SGCZ: variants seen among roughly 807,000 people sequenced by gnomAD.
SGCZ encodes zeta-sarcoglycan.
In SGCZ, 40 loss-of-function variants were observed where a neutral mutation model predicts 41.3. The observed-to-expected ratio is 0.97, with a 90% confidence interval of 0.75 to 1.26. The LOEUF is 1.26. Among genes scored for constraint, SGCZ ranks in the 50% most tolerant of loss-of-function variants. SGCZ has a pLI of 0.00. For missense variants in SGCZ, 552 were observed against 369.8 expected, an observed-to-expected ratio of 1.49 and a Z score of -4.04; for synonymous variants, 206 against 137.5, an observed-to-expected ratio of 1.50 and a Z score of -3.49.
At chr8:15,222,807 G>A (rs746498689) in intron 1 of SGCZ, among the ~76,000 whole-genome samples, 2 of 151,980 alleles carry the variant, frequency 1.3e-5, no homozygotes, top group Non-Finnish European at 2.9e-5. Context: ...GTGGGTGTGT[G>A]TGTGTGTGAC....
intron 4 of SGCZ, among the ~76,000 whole-genome samples, chr8:14,228,111 C>T (rs1017437582): frequency 6.6e-6 from 1 of 151,976 alleles, no homozygotes; most frequent in South Asian, 2.1e-4. Flanking sequence ...TAATTATTCC[C>T]ATAACCTTAC....
At chr8:14,454,340 T>G (rs183070799) in intron 2 of SGCZ, among the ~76,000 whole-genome samples, 1 of 152,160 alleles carries the variant, frequency 6.6e-6, no homozygotes, top group Non-Finnish European at 1.5e-5. Flanking sequence ...ACGGGAAACA[T>G]GCTACCTTAA....
chr8:15,009,108 A>G (rs1212643873), intron 1 of SGCZ, among the ~76,000 whole-genome samples: 4 of 152,374 alleles, frequency 2.6e-5, no homozygotes, highest in Middle Eastern at 3.4e-3. Context: ...TCACACTGCC[A>G]TAAAGAAATA....
intron 1 of SGCZ, among the ~76,000 whole-genome samples, chr8:14,582,110 C>T (rs897251948): frequency 6.6e-6 from 1 of 152,060 alleles, no homozygotes; most frequent in East Asian, 1.9e-4. Context: ...AATATATTTT[C>T]TCTTTCTTGT....
At chr8:15,161,952 G>A (rs550094908) in intron 1 of SGCZ, among the ~76,000 whole-genome samples, 23 of 152,138 alleles carry the variant, frequency 1.5e-4, no homozygotes, top group Non-Finnish European at 2.9e-4. Context: ...AATCACTTGA[G>A]CCCAGGAAGT....
At chr8:15,053,981 C>T (rs1458560198) in intron 1 of SGCZ, among the ~76,000 whole-genome samples, 1 of 152,082 alleles carries the variant, frequency 6.6e-6, no homozygotes, top group Admixed American at 6.6e-5. Context: ...AATTTTGGAT[C>T]TAAGGTATGA....
intron 2 of SGCZ, among the ~76,000 whole-genome samples, chr8:14,402,775 C>CT (rs1175865822): frequency 3.4e-5 from 5 of 147,726 alleles, no homozygotes; most frequent in Non-Finnish European, 5.9e-5. Flanking sequence ...CATGCGGGCT[C>CT]TTTTTTGGCT....
chr8:14,947,785 A>C (rs1408517432), intron 1 of SGCZ, among the ~76,000 whole-genome samples: 4 of 152,202 alleles, frequency 2.6e-5, no homozygotes, highest in African/African-American at 9.6e-5. Flanking sequence ...CATCTCGTTC[A>C]GTATAACTTT....
chr8:14,462,101 A>T (rs1233182133), intron 2 of SGCZ, among the ~76,000 whole-genome samples: 2 of 152,052 alleles, frequency 1.3e-5, no homozygotes, highest in Non-Finnish European at 2.9e-5. Context: ...ATTATCCAGA[A>T]TAATTGACTC....
intron 1 of SGCZ, among the ~76,000 whole-genome samples, chr8:14,888,893 G>A (rs1804907668): frequency 6.6e-6 from 1 of 151,986 alleles, no homozygotes; most frequent in African/African-American, 2.4e-5. Context: ...TTAATGATAT[G>A]GGTACACTGC....
At chr8:14,839,702 T>A (rs1397884199) in intron 1 of SGCZ, among the ~76,000 whole-genome samples, 2 of 152,130 alleles carry the variant, frequency 1.3e-5, no homozygotes. Flanking sequence ...TTTGAGATCG[T>A]CCAATCACAT....
chr8:14,251,113 AG>A (rs1442081687), intron 3 of SGCZ, among the ~76,000 whole-genome samples: 2 of 152,116 alleles, frequency 1.3e-5, no homozygotes, highest in Non-Finnish European at 2.9e-5. Context: ...CTTTAATCCC[AG>A]CTACTCGGGA....
intron 1 of SGCZ, among the ~76,000 whole-genome samples, chr8:14,708,539 A>G (rs1377749576): frequency 6.6e-6 from 1 of 151,950 alleles, no homozygotes; most frequent in Admixed American, 6.6e-5. Context: ...TTCTGTGTAT[A>G]TAATATCTGA....
intron 1 of SGCZ, among the ~76,000 whole-genome samples, chr8:14,956,424 T>C (rs548579778): frequency 6.6e-6 from 1 of 152,266 alleles, no homozygotes; most frequent in African/African-American, 2.4e-5. Context: ...CTCTTTAGTA[T>C]ATCAGACATT....
At chr8:14,554,967 A>G (rs746042303) in intron 1 of SGCZ, 41 bp from the exon 2 acceptor site, 1 of 1,498,650 alleles carries the variant, frequency 6.7e-7, no homozygotes, top group Non-Finnish European at 8.9e-7. Flanking sequence ...AAGGAAAAAA[A>G]AAGAAGCATT....
intron 1 of SGCZ, among the ~76,000 whole-genome samples, chr8:15,229,369 T>C (rs527868595): frequency 3.9e-5 from 6 of 152,256 alleles, no homozygotes; most frequent in South Asian, 2.1e-4. Flanking sequence ...ATTTCAAAAG[T>C]CAAAAATATT....
intron 1 of SGCZ, among the ~76,000 whole-genome samples, chr8:14,565,481 T>G (rs1041360240): frequency 6.6e-6 from 1 of 151,966 alleles, no homozygotes; most frequent in South Asian, 2.1e-4. Flanking sequence ...GTTATCAACA[T>G]GGAGAGATAA....
Position 14,088,639 on chromosome 8 carries a change from TATATA to T in SGCZ, c.*1799_*1803del, listed in dbSNP as rs964291463. On this transcript the variant is annotated 3_prime_UTR_variant, in exon 8 of 8. Coordinates refer to ENST00000382080, the MANE Select transcript of SGCZ (RefSeq NM_139167.4). Reference sequence around the variant, plus strand: ...TTATTTCAATATTGATTTAAAAAGTTATATAATAACACCCAAATATAATCACATTT... The same window carrying T: ...TTATTTCAATATTGATTTAAAAAGTTATAACACCCAAATATAATCACATTT... Among the ~76,000 whole-genome samples the T allele has an allele frequency of 5.9e-5, 9 of 151,876 alleles. No individual in the cohort carries two copies. Among genetic ancestry groups the T allele is most frequent in the Admixed American group, 5.3e-4 (8 of 15,206 alleles).
chr8:14,106,152 A>G (rs1802195756), intron 6 of SGCZ, among the ~76,000 whole-genome samples: 1 of 152,216 alleles, frequency 6.6e-6, no homozygotes, highest in Non-Finnish European at 1.5e-5. Flanking sequence ...ACAAATACTT[A>G]TTGCAACTAG....
Sources: gnomAD v4.1 joint callset for allele counts (sites outside exome capture counted in the v4.1 genomes callset) on GRCh38, gnomAD v4.1.1 for gene constraint, MANE v1.5 for transcripts, NCBI Gene and HGNC (gene_info 2026-07-23, HGNC 2026-07-21) for gene names.